Variants in PLXNA3 observed in about 807,000 individuals in gnomAD.
PLXNA3 encodes the protein plexin A3, also known as plexin-A3.
In PLXNA3, 52 loss-of-function variants were observed where a neutral mutation model predicts 118.8. The ratio of observed to expected loss-of-function variants is 0.44; its 90% CI spans 0.35 to 0.55. The LOEUF (loss-of-function observed/expected upper bound fraction) is 0.55. Ranked by LOEUF, PLXNA3 falls within the 20% of genes least tolerant of loss-of-function variation. The probability of loss-of-function intolerance (pLI) is 0.01; values close to 1 mark genes in which losing one functional copy is unlikely to be tolerated. For missense variants in PLXNA3, 1,660 were observed against 1,730.8 expected, an observed-to-expected ratio of 0.96 and a Z score of 0.73; for synonymous variants, 925 against 762.4, an observed-to-expected ratio of 1.21 and a Z score of -3.51.
At chrX:154,470,196 C>G in intron 29 of PLXNA3, 29 bp downstream of exon 29, 2 of 1,188,619 alleles carry the variant, frequency 1.7e-6, no homozygotes, top group Non-Finnish European at 2.3e-6. Context: ...CCACCTTGGC[C>G]TCCGCCCAGA....
chrX:154,467,558 T>G lies in PLXNA3; in HGVS notation c.3455T>G (p.Ile1152Ser). 8.4e-7 allele frequency: 1 copy of G among 1,184,195 alleles called. No individual in the cohort carries two copies. Among genetic ancestry groups the G allele is most frequent in the Non-Finnish European group, 1.1e-6 (1 of 882,040 alleles). ...CTCCACCCCCAGGGCAAGAACCTGA[T>G]TCCCGCTGCAGCCGGCAGCTCCCGC... ...SHVVLKGKNL[I>S]PAAAGSSRLN... is the part of the protein sequence containing the mutation. The change falls in exon 20 of 33, where the codon ATT (isoleucine) becomes AGT (serine). Residue 1152 changes from isoleucine to serine, a missense_variant. Around this residue, in one of 2 missense-constraint regions of PLXNA3, gnomAD observed 869 missense variants for 1,078.7 expected, o/e 0.81. Transcript: ENST00000369682.
intron 7 of PLXNA3, 30 bp from the exon 8 acceptor site, chrX:154,464,127 G>A (rs781849223): frequency 1.9e-5 from 23 of 1,206,858 alleles, no homozygotes; most frequent in Middle Eastern, 2.3e-4. Flanking sequence ...CTGGGAGTCC[G>A]CCCTGCCCTG....
rs200080300 is a variant in PLXNA3 at position 154,469,440 on chromosome X, C to T, written c.4656C>T (p.Ile1552=). 13 of 1,208,038 alleles carry T rather than the reference C, an allele frequency of 1.1e-5. No individual in the cohort carries two copies. The highest frequency in any genetic ancestry group is 1.0e-4 in the African/African-American group (6 of 57,394). The part of the protein sequence containing the change: ...ILQDEDVTTK[I]ECDWKRLNSL... ...AGGATGAGGATGTCACCACCAAGAT[C>T]GAGTGTGACTGGAAGAGGCTCAACT... Residue 1552 remains isoleucine (I), a synonymous_variant, in exon 27 of 33, where the codon ATC becomes ATT. Transcript: ENST00000369682.
chrX:154,464,978 G>T, intron 10 of PLXNA3, 40 bp from the exon 11 acceptor site: 2 of 1,126,494 alleles, frequency 1.8e-6, no homozygotes, highest in Non-Finnish European at 2.4e-6. Context: ...GCCTGGAGAA[G>T]GGTGGCCCTG....
At chrX:154,468,606 CT>C in intron 23 of PLXNA3, 47 bp downstream of exon 23, 1 of 1,208,302 alleles carries the variant, frequency 8.3e-7, no homozygotes, top group South Asian at 1.8e-5. Context: ...CTGCCTGGGC[CT>C]GCCCCCTGTC....
chrX:154,468,305 G>T lies in PLXNA3; in HGVS notation c.3966G>T (p.Thr1322=), dbSNP rs143834428. The part of the protein sequence containing the change: ...EAHPVLKELD[T]PPNVEKALRL... Reference sequence around the variant, plus strand: ...CTGAGACCTCCTGCTCCCCACAGACGCCACCCAACGTGGAGAAGGCCCTGC... The same window carrying T: ...CTGAGACCTCCTGCTCCCCACAGACTCCACCCAACGTGGAGAAGGCCCTGC... The change falls in exon 23 of 33, where the codon ACG becomes ACT. Residue 1322 remains threonine, a splice_region_variant and synonymous_variant. Transcript: ENST00000369682. 6.7e-6 allele frequency: 8 copies of T among 1,200,376 alleles called. No individual in the cohort carries two copies. Among genetic ancestry groups the T allele is most frequent in the Non-Finnish European group, 9.0e-6 (8 of 889,159 alleles).
rs1557207058 is a variant in PLXNA3 at position 154,466,255 on chromosome X, G to C, written c.2784G>C (p.Gln928His). ...CSADFRTQSE[Q>H]VYSFVTPTFD... ...CCGACTTCCGCACGCAGTCGGAGCA[G>C]GTCTACAGCTTTGTGGTGCGTGGCT... Residue 928 changes from glutamine to histidine, a missense_variant, in exon 15 of 33, where the codon CAG becomes CAC. Gln to His is a conservative substitution (Grantham distance 24, BLOSUM62 0). Coordinates refer to ENST00000369682, the MANE Select transcript of PLXNA3 (RefSeq NM_017514.5). The C allele has an allele frequency of 2.5e-6, 3 of 1,209,489 alleles. No homozygotes were observed. Among genetic ancestry groups the C allele is most frequent in the Non-Finnish European group, 3.4e-6 (3 of 895,510 alleles).
intron 12 of PLXNA3, 49 bp from the exon 13 acceptor site, chrX:154,465,608 A>G (rs1466040177): frequency 5.9e-6 from 7 of 1,178,995 alleles, no homozygotes; most frequent in Middle Eastern, 2.3e-4. Flanking sequence ...CCCACTTTCC[A>G]CTTTTCTGCC....
At chrX:154,472,535 T>C (rs782061137) in intron 32 of PLXNA3, 55 bp from the exon 33 acceptor site, 28 of 823,572 alleles carry the variant, frequency 3.4e-5, no homozygotes, top group Middle Eastern at 5.6e-4. Flanking sequence ...GGACTTTGCA[T>C]GGCAGGAGCT....
rs1430700669 is a variant in PLXNA3, at chrX:154,475,971, C to G, written c.*3286C>G. 9.0e-6 allele frequency: 1 copy of G among 110,942 alleles called. No individual in the cohort carries two copies. The highest frequency in any genetic ancestry group is 1.9e-5 in the Non-Finnish European group (1 of 52,923). 9.1% of individuals were successfully genotyped at this position (110,942 alleles called of 1,213,427 possible). ...ATCACTGGAGCCCAGGAGTTCAGGA[C>G]CAGCCTGGGCAACAAAGCGAGATCC... On this transcript the variant is annotated 3_prime_UTR_variant, in exon 33 of 33. Transcript: ENST00000369682.
chrX:154,461,885 T>C (rs1476360914), intron 3 of PLXNA3, among the ~76,000 whole-genome samples: 1 of 112,235 alleles, frequency 8.9e-6, no homozygotes, highest in Non-Finnish European at 1.9e-5. Flanking sequence ...GTCTCCCGGT[T>C]GCCCCTTGTC....
chrX:154,474,007 G>A lies in PLXNA3; in HGVS notation c.*1322G>A, dbSNP rs1557210373. The A allele has an allele frequency of 9.0e-6, 1 of 111,660 alleles. No individual in the cohort carries two copies. Among genetic ancestry groups the A allele is most frequent in the African/African-American group, 3.3e-5 (1 of 30,677 alleles). 9.2% of individuals were successfully genotyped at this position (111,660 alleles called of 1,213,427 possible). Reference sequence around the variant, plus strand: ...GTTGCCTCACTGTTTAGAACCCTCCGGCGGTTTCAGCTGCAGCCAGCTCCT... The same window carrying A: ...GTTGCCTCACTGTTTAGAACCCTCCAGCGGTTTCAGCTGCAGCCAGCTCCT... On this transcript the variant is annotated 3_prime_UTR_variant, in exon 33 of 33. Transcript: ENST00000369682.
In PLXNA3 at chrX:154,476,963, T is replaced by G. The variant is rs1301778099; in HGVS notation, c.*4278T>G. The G allele has an allele frequency of 1.8e-5, 2 of 111,718 alleles. No homozygotes were observed. The highest frequency in any genetic ancestry group is 3.8e-5 in the Non-Finnish European group (2 of 53,115). 9.2% of individuals were successfully genotyped at this position (111,718 alleles called of 1,213,427 possible). ...CTGCACAGGGAAAGAACCCTGGATATCCACAGAGGCTCCCGTTCCAGTGTG... is the reference window on the plus strand; with the variant it reads ...CTGCACAGGGAAAGAACCCTGGATAGCCACAGAGGCTCCCGTTCCAGTGTG... On this transcript the variant is annotated 3_prime_UTR_variant, in exon 33 of 33. Coordinates refer to ENST00000369682, the MANE Select transcript of PLXNA3 (RefSeq NM_017514.5).
In PLXNA3 at chrX:154,472,646, A is replaced by G; in HGVS notation, c.5577A>G (p.Lys1859=). The change falls in exon 33 of 33, where the codon AAA becomes AAG. Residue 1859 remains lysine, a synonymous_variant. Transcript: ENST00000369682. ...GTCGGAAGCATAAGTTGCGGCAGAA[A>G]CTGGAACAGATCATCAGCCTCGTGT... ...ASCRKHKLRQ[K]LEQIISLVSS... is the part of the protein sequence containing the mutation. 8.3e-7 allele frequency: 1 copy of G among 1,207,683 alleles called. No individual in the cohort carries two copies. The highest frequency in any genetic ancestry group is 1.1e-6 in the Non-Finnish European group (1 of 891,888).
chrX:154,467,494 G>GGGGT, intron 19 of PLXNA3, 23 bp downstream of exon 19: 1 of 954,685 alleles, frequency 1.0e-6, no homozygotes, highest in Non-Finnish European at 1.5e-6. Flanking sequence ...TGGGGGCGGG[G>GGGGT]AGGGGCGGGA....
In PLXNA3 at chrX:154,466,276, T is replaced by A; in HGVS notation, c.2799+6T>A. 1 of 1,209,467 alleles carries A rather than the reference T, an allele frequency of 8.3e-7. No homozygotes were observed. Among genetic ancestry groups the A allele is most frequent in the Non-Finnish European group, 1.1e-6 (1 of 895,398 alleles). On this transcript the variant is annotated splice_donor_region_variant and intron_variant, in intron 15 of 32. Transcript: ENST00000369682. ...AGCAGGTCTACAGCTTTGTGGTGCG[T>A]GGCTGCCGGCCCTACCCCTTCCTGT... is the stretch of plus-strand genomic sequence containing the variant.
In PLXNA3 at chrX:154,464,240, C is replaced by A. The variant is rs782144640; in HGVS notation, c.1755C>A (p.Val585=). The A allele has an allele frequency of 8.3e-7, 1 of 1,208,309 alleles. No individual in the cohort carries two copies. The highest frequency in any genetic ancestry group is 1.8e-5 in the South Asian group (1 of 56,767). The change falls in exon 8 of 33, where the codon GTC becomes GTA. Residue 585 remains valine, a synonymous_variant. Transcript: ENST00000369682. ...AGGCGGCGGCGGAGAACGAGGCGGT[C>A]CTGCTGCCCTCCGGTGAACTGCTCT... is the stretch of plus-strand genomic sequence containing the variant. ...AFEAAAENEA[V]LLPSGELLCP... is the part of the protein sequence containing the mutation.
At position 154,468,102 on chromosome X, in the gene PLXNA3, G is replaced by T; in HGVS notation, c.3841G>T (p.Asp1281Tyr). 8.4e-7 allele frequency: 1 copy of T among 1,191,509 alleles called. No homozygotes were observed. The highest frequency in any genetic ancestry group is 1.1e-6 in the Non-Finnish European group (1 of 883,371). ...CCCAGCTTTTGCAGAGCTGCAGACG[G>T]ACATCAATGAGCTGACTAACCACAT... ...CKEAFAELQT[D>Y]INELTNHMDE... Residue 1281 changes from aspartate (D) to tyrosine (Y), a missense_variant, in exon 22 of 33, where the codon GAC (aspartate) becomes TAC (tyrosine). By Grantham distance (160) the Asp-to-Tyr change is radical. Transcript: ENST00000369682.
At chrX:154,469,917 C>T (rs1263759074) in intron 28 of PLXNA3, 60 bp from the exon 29 acceptor site, 23 of 1,164,242 alleles carry the variant, frequency 2.0e-5, no homozygotes, top group Non-Finnish European at 2.5e-5. Flanking sequence ...GCTGAGCTCC[C>T]GGGAGAGTGG....
Sources: allele counts gnomAD v4.1 joint callset (sites outside exome capture counted in the v4.1 genomes callset), GRCh38; gene constraint gnomAD v4.1.1; regional missense constraint gnomAD v4.1.1; transcripts MANE v1.5; gene names NCBI Gene and HGNC (gene_info 2026-07-23, HGNC 2026-07-21).